Variants in BRMS1L observed in about 807,000 individuals in gnomAD.
The protein encoded by BRMS1L is BRMS1 like transcriptional repressor.
BRMS1L carries 23 observed loss-of-function variants against 50.3 expected under a neutral mutation model. The ratio of observed to expected loss-of-function variants is 0.46; its 90% CI spans 0.33 to 0.65. The LOEUF is 0.65. BRMS1L is among the 30% of genes least tolerant of loss of function. The pLI is 0.02. For synonymous variants in BRMS1L, 114 were observed against 126.9 expected (o/e 0.90, Z 0.69); for missense variants, 286 against 386.1 (o/e 0.74, Z 2.17).
intron 4 of BRMS1L, among the ~76,000 whole-genome samples, chr14:35,847,222 G>A (rs1218329164): frequency 6.6e-6 from 1 of 152,088 alleles, no homozygotes; most frequent in African/African-American, 2.4e-5. Context: ...CAAGCGATCT[G>A]CCACCTTGGC....
At chr14:35,848,808 A>G (rs908607681) in intron 4 of BRMS1L, among the ~76,000 whole-genome samples, 8 of 152,158 alleles carry the variant, frequency 5.3e-5, no homozygotes, top group African/African-American at 1.9e-4. Context: ...AAGGCTGAAT[A>G]GCATTCTGTT....
chr14:35,837,431 C>T (rs2078009634), intron 4 of BRMS1L, among the ~76,000 whole-genome samples: 1 of 152,022 alleles, frequency 6.6e-6, no homozygotes, highest in African/African-American at 2.4e-5. Flanking sequence ...TTCATTTATT[C>T]CATATGTTTC....
chr14:35,841,664 T>G (rs556588390), intron 4 of BRMS1L, among the ~76,000 whole-genome samples: 3 of 152,204 alleles, frequency 2.0e-5, no homozygotes, highest in Non-Finnish European at 4.4e-5. Flanking sequence ...TGATTTGGGG[T>G]GGAGAGTTCT....
chr14:35,838,708 T>C (rs1407959281), intron 4 of BRMS1L, among the ~76,000 whole-genome samples: 1 of 152,194 alleles, frequency 6.6e-6, no homozygotes, highest in Non-Finnish European at 1.5e-5. Flanking sequence ...TTTGCCCACT[T>C]TTTGATGGGG....
Position 35,864,987 on chromosome 14 carries a change from A to G in BRMS1L, c.675A>G (p.Thr225=). 1 of 1,574,900 alleles carries G rather than the reference A, an allele frequency of 6.3e-7. No homozygotes were observed. Among genetic ancestry groups the G allele is most frequent in the East Asian group, 2.4e-5 (1 of 42,336 alleles). The stretch of plus-strand genomic sequence containing the variant: ...ATCTTGATATTCTTGAAGACTGGAC[A>G]ACAATTAGGAAGGTATGATTAATGA... ...LQDLDILEDW[T]TIRKAMATLG... Residue 225 remains threonine, a synonymous_variant, in exon 7 of 10, where the codon ACA becomes ACG. Coordinates refer to ENST00000216807, the MANE Select transcript of BRMS1L (RefSeq NM_032352.4).
chr14:35,854,064 GT>G (rs1197390778), intron 4 of BRMS1L, among the ~76,000 whole-genome samples: 1 of 152,072 alleles, frequency 6.6e-6, no homozygotes, highest in Non-Finnish European at 1.5e-5. Context: ...CAGTATTTTA[GT>G]TCCATCTTGC....
chr14:35,856,656 G>A (rs1396819741), intron 4 of BRMS1L, among the ~76,000 whole-genome samples: 2 of 151,626 alleles, frequency 1.3e-5, no homozygotes, highest in Admixed American at 6.6e-5. Flanking sequence ...CTGTCACCCC[G>A]GGTGGAGTGT....
At chr14:35,865,982 T>G (rs1265187470) in intron 8 of BRMS1L, 1 of 482,240 alleles carries the variant, frequency 2.1e-6, no homozygotes, top group Non-Finnish European at 3.6e-6. Context: ...ACATTCTTAT[T>G]GCTAATAATG....
intron 5 of BRMS1L, among the ~76,000 whole-genome samples, chr14:35,863,341 A>C (rs1256041315): frequency 6.6e-6 from 1 of 152,148 alleles, no homozygotes; most frequent in Non-Finnish European, 1.5e-5. Context: ...GGTTTTTTGC[A>C]TTGAGTGGAA....
intron 4 of BRMS1L, among the ~76,000 whole-genome samples, chr14:35,856,527 C>G (rs944268588): frequency 6.6e-6 from 1 of 151,362 alleles, no homozygotes; most frequent in Non-Finnish European, 1.5e-5. Flanking sequence ...AAATGTCTGT[C>G]GAGAAATAAG....
chr14:35,834,003 G>T (rs2077960324), intron 3 of BRMS1L, among the ~76,000 whole-genome samples: 1 of 152,046 alleles, frequency 6.6e-6, no homozygotes. Flanking sequence ...TAGATTACAT[G>T]GATGATCAGG....
At chr14:35,865,054 A>G in intron 7 of BRMS1L, 55 bp downstream of exon 7, 3 of 1,306,446 alleles carry the variant, frequency 2.3e-6, no homozygotes, top group Non-Finnish European at 3.1e-6. Flanking sequence ...ACTTTTTAAG[A>G]TTCTATGTTT....
intron 4 of BRMS1L, among the ~76,000 whole-genome samples, chr14:35,839,598 G>T (rs973976929): frequency 6.6e-6 from 1 of 152,152 alleles, no homozygotes; most frequent in African/African-American, 2.4e-5. Flanking sequence ...TCCCTTACAA[G>T]TTAGATTCCT....
intron 4 of BRMS1L, among the ~76,000 whole-genome samples, chr14:35,840,448 C>G (rs901119436): frequency 1.1e-4 from 17 of 152,126 alleles, no homozygotes; most frequent in Non-Finnish European, 2.4e-4. Context: ...GGAATGCTAC[C>G]AGCTCCTCTT....
chr14:35,851,123 A>G (rs1390619377), intron 4 of BRMS1L, among the ~76,000 whole-genome samples: 1 of 152,224 alleles, frequency 6.6e-6, no homozygotes, highest in African/African-American at 2.4e-5. Context: ...TTAGACACAG[A>G]TTTAATATAT....
rs771877231 is a variant in BRMS1L, at chr14:35,831,467, A to G, written c.200A>G (p.Asn67Ser). Residue 67 changes from asparagine to serine, a missense_variant, in exon 2 of 10, where the codon AAT becomes AGT. Coordinates refer to ENST00000216807, the MANE Select transcript of BRMS1L (RefSeq NM_032352.4). Reference protein sequence around the residue: ...RRMECLDEMSNLEKQFTDLKD... With the variant: ...RRMECLDEMSSLEKQFTDLKD... ...ATGGAATGTTTGGATGAAATGTCCA[A>G]TCTTGAAAAACAGTTTACCGATCTC... The G allele has an allele frequency of 1.8e-5, 29 of 1,613,874 alleles. No individual in the cohort carries two copies. The highest frequency in any genetic ancestry group is 1.3e-4 in the Admixed American group (8 of 59,990).
At position 35,826,403 on chromosome 14, in the gene BRMS1L, A is replaced by C. The variant is rs2077842105; in HGVS notation, c.-114A>C. 1.3e-6 allele frequency: 2 copies of C among 1,485,334 alleles called. No individual in the cohort carries two copies. Among genetic ancestry groups the C allele is most frequent in the Non-Finnish European group, 1.8e-6 (2 of 1,102,098 alleles). 92.0% of individuals were successfully genotyped at this position (1,485,334 alleles called of 1,614,324 possible). A position where few individuals can be genotyped will look rare whatever the true frequency, so the allele number is the denominator to read the frequency against. On this transcript the variant is annotated 5_prime_UTR_variant, in exon 1 of 10. Transcript: ENST00000216807. ...CCGGGCCGGGGGCGGGGAGGAGCCA[A>C]GGGGGCGAGCAAGCTCGGTGGCTGG... is the stretch of plus-strand genomic sequence containing the variant.
chr14:35,834,756 A>G, intron 3 of BRMS1L, 88 bp from the exon 4 acceptor site: 1 of 887,978 alleles, frequency 1.1e-6, no homozygotes, highest in Non-Finnish European at 1.6e-6. Flanking sequence ...CCATCTTATT[A>G]AATACAGTGA....
rs1345720399 is a variant in BRMS1L, at chr14:35,826,357, C to T, written c.-160C>T. 9.3e-7 allele frequency: 1 copy of T among 1,075,406 alleles called. No homozygotes were observed. The allele number at this position is 1,075,406 out of a possible 1,614,324, so 66.6% of individuals were successfully genotyped here. A position where few individuals can be genotyped will look rare whatever the true frequency, so the allele number is the denominator to read the frequency against. Reference sequence around the variant, plus strand: ...AATGGCAGAGCTCCCATCGCAGAGCCTGCGGGTTAGGTTGTGAGGCCCGGG... The same window carrying T: ...AATGGCAGAGCTCCCATCGCAGAGCTTGCGGGTTAGGTTGTGAGGCCCGGG... On this transcript the variant is annotated 5_prime_UTR_variant, in exon 1 of 10. Transcript: ENST00000216807.
Sources: allele counts gnomAD v4.1 joint callset (sites outside exome capture counted in the v4.1 genomes callset), GRCh38; gene constraint gnomAD v4.1.1; transcripts MANE v1.5; gene names NCBI Gene and HGNC (gene_info 2026-07-23, HGNC 2026-07-21).